Variants in KLHL8 observed in about 807,000 individuals in gnomAD.
KLHL8 encodes kelch like family member 8.
Under a neutral mutation model 63.5 loss-of-function variants are expected in KLHL8, and 38 were observed. The observed-to-expected ratio is 0.60, with a 90% CI of 0.46 to 0.78. The LOEUF is 0.78. KLHL8 is among the 30% of genes least tolerant of loss of function. The pLI is 0.00. For synonymous variants in KLHL8, 224 were observed against 254.3 expected (o/e 0.88, Z 1.13); for missense variants, 566 against 752.4 (o/e 0.75, Z 2.90).
intron 6 of KLHL8, among the ~76,000 whole-genome samples, chr4:87,174,901 T>C (rs1730766419): frequency 1.3e-5 from 2 of 152,206 alleles, no homozygotes; most frequent in Non-Finnish European, 2.9e-5. Flanking sequence ...TAAACAAATA[T>C]TTATTCCTTC....
rs1732004524 is a variant in KLHL8 at position 87,203,671 on chromosome 4, T to C, written c.-151-7981A>G. Among the ~76,000 whole-genome samples the C allele has an allele frequency of 3.3e-5, 5 of 149,542 alleles. No homozygotes were observed. In the South Asian group the frequency reaches 1.0e-3, roughly 31 times the overall value. Reference sequence around the variant, plus strand: ...TCCATTTTATATAATATATAAAATATATTTTTATGTTATATATATAACTAT... The same window carrying C: ...TCCATTTTATATAATATATAAAATACATTTTTATGTTATATATATAACTAT... On this transcript the variant is annotated intron_variant, in intron 1 of 9. Transcript: ENST00000273963.
At chr4:87,214,421 T>TATAG (rs1732515759) in intron 1 of KLHL8, among the ~76,000 whole-genome samples, 1 of 27,086 alleles carries the variant, frequency 3.7e-5, no homozygotes, top group Non-Finnish European at 5.8e-5. Context: ...AACAGATATA[T>TATAG]ATATATATAT....
intron 1 of KLHL8, among the ~76,000 whole-genome samples, chr4:87,214,445 T>TATATATATATAA (rs1732519969): frequency 1.1e-5 from 1 of 94,452 alleles, no homozygotes; most frequent in Admixed American, 1.1e-4. Flanking sequence ...TATATATATA[T>TATATATATATAA]ATATATATAT....
chr4:87,208,054 G>T (rs1472638359), intron 1 of KLHL8: 2 of 615,274 alleles, frequency 3.3e-6, no homozygotes, highest in Non-Finnish European at 3.1e-6. Context: ...CAGCAACAAG[G>T]TCGTGGACCT....
intron 2 of KLHL8, among the ~76,000 whole-genome samples, chr4:87,187,990 C>T (rs1460708990): frequency 5.9e-5 from 9 of 152,162 alleles, no homozygotes; most frequent in Non-Finnish European, 1.3e-4. Flanking sequence ...GCCCCTTCCT[C>T]AGTCTTTTTT....
chr4:87,178,656 G>A, intron 4 of KLHL8, 36 bp from the exon 5 acceptor site: 4 of 1,474,700 alleles, frequency 2.7e-6, no homozygotes, highest in Non-Finnish European at 3.6e-6. Flanking sequence ...ATAAATCATA[G>A]CTGCCAAGTT....
upstream of KLHL8, chr4:87,220,638 C>CG (rs1360579873): frequency 6.6e-6 from 1 of 151,922 alleles, no homozygotes; most frequent in Non-Finnish European, 1.5e-5. Context: ...GCGGGCTGGG[C>CG]GGGGCTGCGC....
At chr4:87,228,851 T>C (rs1733078729) in intron 1 of KLHL8, among the ~76,000 whole-genome samples, 1 of 152,206 alleles carries the variant, frequency 6.6e-6, no homozygotes, top group Non-Finnish European at 1.5e-5. Flanking sequence ...ATGATGTAAT[T>C]TCTTCCCCTA....
chr4:87,224,913 T>C (rs1229857823), upstream of KLHL8, among the ~76,000 whole-genome samples: 3 of 152,190 alleles, frequency 2.0e-5, no homozygotes, highest in African/African-American at 7.2e-5. Context: ...TGTTTTTGTT[T>C]TTATTTTGTT....
At chr4:87,229,090 G>A (rs1184915657) in intron 1 of KLHL8, among the ~76,000 whole-genome samples, 1 of 152,202 alleles carries the variant, frequency 6.6e-6, no homozygotes, top group Non-Finnish European at 1.5e-5. Context: ...TTTCCTCACA[G>A]GTGAAACTAG....
intron 4 of KLHL8, among the ~76,000 whole-genome samples, chr4:87,182,228 C>CAAAA (rs34458758): frequency 3.0e-5 from 2 of 67,718 alleles, no homozygotes; most frequent in Admixed American, 1.8e-4. Context: ...GACTCCGTCT[C>CAAAA]AAAAAAAAAA....
chr4:87,185,138 A>C, intron 3 of KLHL8, 113 bp downstream of exon 3: 1 of 1,037,168 alleles, frequency 9.6e-7, no homozygotes, highest in South Asian at 1.9e-5. Flanking sequence ...TATTTATTAC[A>C]TCAATAATTT....
intron 1 of KLHL8, among the ~76,000 whole-genome samples, chr4:87,198,396 G>A (rs1413340606): frequency 6.6e-6 from 1 of 152,150 alleles, no homozygotes; most frequent in Non-Finnish European, 1.5e-5. Context: ...CCCTGAGTAA[G>A]ATGGTTGATT....
intron 1 of KLHL8, among the ~76,000 whole-genome samples, chr4:87,236,477 G>C (rs968397385): frequency 5.3e-5 from 8 of 151,998 alleles, no homozygotes; most frequent in South Asian, 2.1e-4. Context: ...AAAGTGCTGA[G>C]ATTGCAGGCG....
At position 87,195,705 on chromosome 4, in the gene KLHL8, A is replaced by G. The variant is rs1731669276; in HGVS notation, c.-151-15T>C. ...GTTTGCTGTGACTGAAAAATCAACA[A>G]TAAAACAGGTAGAGACAAACGAAAA... On this transcript the variant is annotated splice_polypyrimidine_tract_variant and intron_variant, in intron 1 of 9. Coordinates refer to ENST00000273963, the MANE Select transcript of KLHL8 (RefSeq NM_020803.5). 1.8e-6 allele frequency: 1 copy of G among 556,998 alleles called. No homozygotes were observed. Among genetic ancestry groups the G allele is most frequent in the African/African-American group, 1.9e-5 (1 of 53,094 alleles). 34.5% of individuals were successfully genotyped at this position (556,998 alleles called of 1,614,324 possible). A position where few individuals can be genotyped will look rare whatever the true frequency, so the allele number is the denominator to read the frequency against.
chr4:87,183,396 T>C lies in KLHL8; in HGVS notation c.766-7A>G. The C allele has an allele frequency of 6.4e-7, 1 of 1,574,122 alleles. No individual in the cohort carries two copies. ...GCAACAATGGCAGGCGAACCTAAGATCATGAATAGTTGCAATACAACAAAT... is the reference window on the plus strand; with the variant it reads ...GCAACAATGGCAGGCGAACCTAAGACCATGAATAGTTGCAATACAACAAAT... On this transcript the variant is annotated splice_polypyrimidine_tract_variant and splice_region_variant and intron_variant, in intron 3 of 9. Transcript: ENST00000273963.
In KLHL8 at chr4:87,184,622, T is replaced by C. The variant is rs1012237965; in HGVS notation, c.765+629A>G. On this transcript the variant is annotated intron_variant, in intron 3 of 9. Coordinates refer to ENST00000273963, the MANE Select transcript of KLHL8 (RefSeq NM_020803.5). ...AGGAATAAATGAAGAAAGGAAAAAA[T>C]GGAGGAAGGGAAGGAGGGAAGGGAG... Among the ~76,000 whole-genome samples the C allele has an allele frequency of 2.7e-5, 4 of 149,688 alleles. No individual in the cohort carries two copies. The East Asian group carries it at 5.9e-4, about 22-fold the overall frequency.
At chr4:87,214,791 T>G (rs899546874) in intron 1 of KLHL8, among the ~76,000 whole-genome samples, 2 of 107,086 alleles carry the variant, frequency 1.9e-5, no homozygotes. Context: ...TTTTTAAAGG[T>G]TTTTTTTTGG....
chr4:87,207,719 G>A (rs888287249), intron 1 of KLHL8: 5 of 882,182 alleles, frequency 5.7e-6, no homozygotes, highest in African/African-American at 4.9e-5. Context: ...GCCTCTACTG[G>A]TGCTGCCAAG....
Sources: allele counts gnomAD v4.1 joint callset (sites outside exome capture counted in the v4.1 genomes callset), GRCh38; gene constraint gnomAD v4.1.1; transcripts MANE v1.5; gene names NCBI Gene and HGNC (gene_info 2026-07-23, HGNC 2026-07-21).